Variants in SRCAP observed in about 807,000 individuals in gnomAD.
SRCAP encodes chromatin remodeling protein SRCAP.
A neutral mutation model predicts 263.1 loss-of-function variants in SRCAP; 46 were observed. The ratio of observed to expected loss-of-function variants is 0.17; its 90% confidence interval spans 0.14 to 0.22. The LOEUF is 0.22. Ranked by LOEUF, SRCAP falls within the 10% of genes least tolerant of loss-of-function variation. The pLI, the probability that SRCAP is intolerant of heterozygous loss-of-function variation, is 1.00. For missense variants in SRCAP, 3,695 were observed against 4,181.9 expected (o/e 0.88, Z 3.21); for synonymous variants, 1,813 against 1,662.1 (o/e 1.09, Z -2.21).
intron 30 of SRCAP, 185 bp from the exon 31 acceptor site, chr16:30,734,311 T>G: frequency 3.6e-6 from 3 of 844,338 alleles, no homozygotes; most frequent in Non-Finnish European, 5.4e-6. Flanking sequence ...CCATTGCACT[T>G]TAGCCTGGGT....
At position 30,738,100 on chromosome 16, in the gene SRCAP, C is replaced by T; in HGVS notation, c.8060C>T (p.Pro2687Leu). Residue 2687 changes from proline to leucine, a missense_variant, in exon 34 of 34, where the codon CCA (proline) becomes CTA (leucine). Coordinates refer to ENST00000262518, the MANE Select transcript of SRCAP (RefSeq NM_006662.3). ...GAGGCCAAGACCCCAACCTCCAGCC[C>T]AGAGAAGCCACAGGAACTCGTTACA... ...LTEAKTPTSS[P>L]EKPQELVTAE... The T allele has an allele frequency of 6.2e-7, 1 of 1,614,128 alleles. No homozygotes were observed. The highest frequency in any genetic ancestry group is 8.5e-7 in the Non-Finnish European group (1 of 1,180,022).
intron 19 of SRCAP, 106 bp downstream of exon 19, chr16:30,720,437 T>C: frequency 7.4e-7 from 1 of 1,343,026 alleles, no homozygotes; most frequent in Non-Finnish European, 1.0e-6. Flanking sequence ...GGCTGGAATA[T>C]TTATATGGGA....
chr16:30,713,694 G>A lies in SRCAP; in HGVS notation c.2476G>A (p.Val826Ile). 1 of 1,614,066 alleles carries A rather than the reference G, an allele frequency of 6.2e-7. No individual in the cohort carries two copies. Among genetic ancestry groups the A allele is most frequent in the Non-Finnish European group, 8.5e-7 (1 of 1,180,034 alleles). The change falls in exon 16 of 34, where the codon GTC becomes ATC. Residue 826 changes from valine to isoleucine, a missense_variant. Physicochemically the swap from Val to Ile is conservative, Grantham distance 29. Around this residue, in one of 12 missense-constraint regions of SRCAP, gnomAD observed 121 missense variants for 330.7 expected, o/e 0.37. Transcript: ENST00000262518. Reference sequence around the variant, plus strand: ...CAGCCAAGAGTATAATGAAGGTCTAGTCAAACGCCTCCACAAGGTAGGGCC... The same window carrying A: ...CAGCCAAGAGTATAATGAAGGTCTAATCAAACGCCTCCACAAGGTAGGGCC... ...EGSQEYNEGL[V>I]KRLHKVLRPF...
chr16:30,706,082 C>T (rs567054370), intron 4 of SRCAP, among the ~76,000 whole-genome samples: 38 of 152,244 alleles, frequency 2.5e-4, no homozygotes, highest in Middle Eastern at 3.4e-3. Context: ...TTGATGTTTC[C>T]TTCACTGTCA....
chr16:30,738,117 C>A lies in SRCAP; in HGVS notation c.8077C>A (p.Leu2693Ile). The change falls in exon 34 of 34, where the codon CTC becomes ATC. Residue 2693 changes from leucine to isoleucine, a missense_variant. Leu to Ile is a conservative substitution (Grantham distance 5). Around this residue, in one of 12 missense-constraint regions of SRCAP, gnomAD observed 1,207 missense variants for 1,142.9 expected, o/e 1.06. Transcript: ENST00000262518. Reference sequence around the variant, plus strand: ...CTCCAGCCCAGAGAAGCCACAGGAACTCGTTACAGCTGAGGTTGCAGCTCC... The same window carrying A: ...CTCCAGCCCAGAGAAGCCACAGGAAATCGTTACAGCTGAGGTTGCAGCTCC... ...PTSSPEKPQE[L>I]VTAEVAAPST... The A allele has an allele frequency of 6.2e-7, 1 of 1,614,178 alleles. No individual in the cohort carries two copies. The highest frequency in any genetic ancestry group is 8.5e-7 in the Non-Finnish European group (1 of 1,180,032).
At chr16:30,708,512 G>C (rs1480112732) in intron 6 of SRCAP, among the ~76,000 whole-genome samples, 1 of 151,960 alleles carries the variant, frequency 6.6e-6, no homozygotes, top group Non-Finnish European at 1.5e-5. Context: ...TCCTGCCTCA[G>C]GCTCTGGAGT....
chr16:30,724,458 G>A lies in SRCAP; in HGVS notation c.5034G>A (p.Thr1678=), dbSNP rs145301161. The change falls in exon 25 of 34, where the codon ACG becomes ACA. Residue 1678 remains threonine (T), a synonymous_variant. Coordinates refer to ENST00000262518, the MANE Select transcript of SRCAP (RefSeq NM_006662.3). ...CACCTCTCCCGAGCCCGGCTTCTAC[G>A]CAGACACTGGCCCTAGCCCCAGCTT... The part of the protein sequence containing the change: ...VPSPLPSPAS[T]QTLALAPALA... 3.7e-6 allele frequency: 6 copies of A among 1,614,026 alleles called. No homozygotes were observed. The African/African-American group carries it at 6.7e-5, about 18-fold the overall frequency.
intron 2 of SRCAP, 29 bp from the exon 3 acceptor site, chr16:30,700,587 C>CTTT (rs746816750): frequency 5.8e-6 from 2 of 347,080 alleles, no homozygotes; most frequent in Admixed American, 4.6e-5. Context: ...GCATTTCTGT[C>CTTT]TTTTTTTTTT....
In SRCAP at chr16:30,721,492, T is replaced by C. The variant is rs975056170; in HGVS notation, c.3541+16T>C. 2 of 1,604,566 alleles carry C rather than the reference T, an allele frequency of 1.2e-6. No individual in the cohort carries two copies. The highest frequency in any genetic ancestry group is 1.7e-5 in the Admixed American group (1 of 59,970). The stretch of plus-strand genomic sequence containing the variant: ...CGCCTGCCCTGTAAGTTCCCAGGGC[T>C]CTGTGGTGAGGGACTTGAGATGGGA... On this transcript the variant is annotated intron_variant, in intron 21 of 33. Coordinates refer to ENST00000262518, the MANE Select transcript of SRCAP (RefSeq NM_006662.3).
rs1425345850 is a variant in SRCAP at position 30,709,884 on chromosome 16, A to G, written c.890A>G (p.Glu297Gly). The G allele has an allele frequency of 6.2e-7, 1 of 1,614,190 alleles. No individual in the cohort carries two copies. The highest frequency in any genetic ancestry group is 1.7e-5 in the Admixed American group (1 of 60,016). ...GDFQPQEDEE[E>G]DDEETIEVEE... ...TTTCAACCCCAAGAGGATGAGGAAG[A>G]GGATGATGAGGAAACGATTGAAGTT... Residue 297 changes from glutamate to glycine, a missense_variant, in exon 8 of 34, where the codon GAG (glutamate) becomes GGG (glycine). Physicochemically the swap from Glu to Gly is moderately conservative, Grantham distance 98. Coordinates refer to ENST00000262518, the MANE Select transcript of SRCAP (RefSeq NM_006662.3).
chr16:30,704,033 T>G, intron 3 of SRCAP, 31 bp from the exon 4 acceptor site: 1 of 1,594,326 alleles, frequency 6.3e-7, no homozygotes, highest in Non-Finnish European at 8.6e-7. Flanking sequence ...TGCGAAGCAT[T>G]TATTTTCTCC....
Position 30,733,606 on chromosome 16 carries a change from T to C in SRCAP, c.6302T>C (p.Leu2101Ser), listed in dbSNP as rs368885190. 1.5e-5 allele frequency: 24 copies of C among 1,612,708 alleles called. No individual in the cohort carries two copies. The highest frequency in any genetic ancestry group is 2.7e-5 in the African/African-American group (2 of 74,844). ...TTTTTTTCCCTTTCCTTCTAGGCCTTGATGGAACGGTTCAATGCAGACAAA... is the reference window on the plus strand; with the variant it reads ...TTTTTTTCCCTTTCCTTCTAGGCCTCGATGGAACGGTTCAATGCAGACAAA... ...GSTRVEQRQA[L>S]MERFNADKRI... Residue 2101 changes from leucine (L) to serine (S), a missense_variant, in exon 29 of 34, where the codon TTG (leucine) becomes TCG (serine). Leu to Ser is a moderately radical substitution (Grantham distance 145). Around this residue, in one of 12 missense-constraint regions of SRCAP, gnomAD observed 138 missense variants for 254.9 expected, o/e 0.54. Coordinates refer to ENST00000262518, the MANE Select transcript of SRCAP (RefSeq NM_006662.3). The surrounding 1 kb of genome is among the most constrained non-coding windows in gnomAD (Gnocchi z 5.3).
chr16:30,706,363 G>C (rs1339884941), intron 4 of SRCAP, among the ~76,000 whole-genome samples: 1 of 152,064 alleles, frequency 6.6e-6, no homozygotes, highest in African/African-American at 2.4e-5. Flanking sequence ...CTGGGAGGCT[G>C]AGTTGGGAGG....
At chr16:30,728,075 T>TC (rs1227949785) in intron 25 of SRCAP, among the ~76,000 whole-genome samples, 2 of 152,192 alleles carry the variant, frequency 1.3e-5, no homozygotes, top group Non-Finnish European at 2.9e-5. Context: ...ACACCTTTTT[T>TC]CCCTCACATA....
intron 8 of SRCAP, 65 bp downstream of exon 8, chr16:30,710,193 G>A: frequency 1.3e-6 from 2 of 1,528,346 alleles, no homozygotes; most frequent in Non-Finnish European, 8.8e-7. Flanking sequence ...CAGGGTCTGA[G>A]TTCCGGGCTG....
chr16:30,713,900 GTT>G (rs34824568), intron 16 of SRCAP, among the ~76,000 whole-genome samples, 189 bp downstream of exon 16: 3 of 138,980 alleles, frequency 2.2e-5, no homozygotes, highest in Non-Finnish European at 3.1e-5. Flanking sequence ...CATCAATTCT[GTT>G]TTTTTTTTTT....
In SRCAP at chr16:30,737,239, G is replaced by T. The variant is rs755625186; in HGVS notation, c.7199G>T (p.Arg2400Leu). Residue 2400 changes from arginine to leucine, a missense_variant, in exon 34 of 34, where the codon CGT becomes CTT. Arg to Leu is a moderately radical substitution (Grantham distance 102, BLOSUM62 -2). Coordinates refer to ENST00000262518, the MANE Select transcript of SRCAP (RefSeq NM_006662.3). The part of the protein sequence containing the change: ...RPGTRVSERL[R>L]GARAETQGAN... ...GGGACTCGTGTCAGTGAGCGTCTTC[G>T]TGGAGCCCGGGCTGAGACTCAAGGG... 6.2e-7 allele frequency: 1 copy of T among 1,613,890 alleles called. No homozygotes were observed. The highest frequency in any genetic ancestry group is 8.5e-7 in the Non-Finnish European group (1 of 1,180,002).
intron 26 of SRCAP, 42 bp downstream of exon 26, chr16:30,729,273 C>T: frequency 6.3e-7 from 1 of 1,596,566 alleles, no homozygotes; most frequent in Non-Finnish European, 8.6e-7. Context: ...GTCTTGGGGC[C>T]TCAGAGTGGA....
At chr16:30,707,099 C>A in intron 4 of SRCAP, 84 bp from the exon 5 acceptor site, 3 of 1,407,094 alleles carry the variant, frequency 2.1e-6, no homozygotes, top group Non-Finnish European at 2.0e-6. Context: ...ACACTCAGCC[C>A]ACTTAGTGCT....
Sources: allele counts gnomAD v4.1 joint callset (sites outside exome capture counted in the v4.1 genomes callset), GRCh38; gene constraint gnomAD v4.1.1; regional missense constraint gnomAD v4.1.1; non-coding constraint Gnocchi (gnomAD v3.1); transcripts MANE v1.5; gene names NCBI Gene and HGNC (gene_info 2026-07-23, HGNC 2026-07-21).